Variants in CUX1 observed in about 807,000 individuals in gnomAD.
CUX1 encodes cut like homeobox 1.
In CUX1, 31 loss-of-function variants were observed where a neutral mutation model predicts 158.8. The ratio of observed to expected loss-of-function variants is 0.20; its 90% confidence interval spans 0.15 to 0.26. The LOEUF is 0.26. Ranked by LOEUF, CUX1 falls within the 10% of genes least tolerant of loss-of-function variation. The pLI is 1.00. For missense variants in CUX1, 1,589 were observed against 2,014.6 expected (o/e 0.79, Z 4.04); for synonymous variants, 879 against 862.1 (o/e 1.02, Z -0.34).
intron 3 of CUX1, among the ~76,000 whole-genome samples, chr7:102,045,053 T>C (rs1822575243): frequency 6.6e-6 from 1 of 152,164 alleles, no homozygotes; most frequent in Non-Finnish European, 1.5e-5. Context: ...GCTGCTGTAC[T>C]GTCATTATCT....
chr7:101,966,999 T>A (rs967826257), intron 2 of CUX1, among the ~76,000 whole-genome samples: 14 of 152,152 alleles, frequency 9.2e-5, no homozygotes, highest in South Asian at 2.1e-4. Context: ...ATTTGGAATT[T>A]TTTTATTTTA....
At chr7:102,155,671 T>G (rs553795168) in intron 8 of CUX1, among the ~76,000 whole-genome samples, 14 of 152,238 alleles carry the variant, frequency 9.2e-5, no homozygotes, top group African/African-American at 3.4e-4. Flanking sequence ...GGTAGCAGCT[T>G]TCTGCATTGA....
At chr7:102,231,864 C>T (rs1799039242) in intron 21 of CUX1, among the ~76,000 whole-genome samples, 1 of 151,896 alleles carries the variant, frequency 6.6e-6, no homozygotes, top group Non-Finnish European at 1.5e-5. Flanking sequence ...CAGGGGCCCA[C>T]CACCACGCCC....
At chr7:102,282,839 C>G in intron 22 of CUX1, 2 of 1,223,260 alleles carry the variant, frequency 1.6e-6, no homozygotes, top group Non-Finnish European at 2.3e-6. Flanking sequence ...CCCCGCAACA[C>G]CCCCGAGTTC....
intron 2 of CUX1, among the ~76,000 whole-genome samples, chr7:101,927,940 G>C (rs571945556): frequency 6.6e-6 from 1 of 152,168 alleles, no homozygotes; most frequent in Non-Finnish European, 1.5e-5. Flanking sequence ...ATCTCAGGAC[G>C]GCCGCTTTGT....
intron 8 of CUX1, among the ~76,000 whole-genome samples, chr7:102,150,966 G>A (rs1222610394): frequency 1.3e-5 from 2 of 152,110 alleles, no homozygotes; most frequent in African/African-American, 4.8e-5. Flanking sequence ...CAATATGTGC[G>A]GTTATTACAG....
At chr7:102,004,265 T>C (rs1477498898) in intron 2 of CUX1, among the ~76,000 whole-genome samples, 3 of 152,080 alleles carry the variant, frequency 2.0e-5, no homozygotes, top group Middle Eastern at 3.2e-3. Flanking sequence ...TAGCTTGAGA[T>C]TGGGGCAGCT....
intron 3 of CUX1, among the ~76,000 whole-genome samples, chr7:102,048,535 CA>C (rs912961212): frequency 6.6e-6 from 1 of 151,094 alleles, no homozygotes; most frequent in Middle Eastern, 3.4e-3. Context: ...ATCAAATTTT[CA>C]AAAAAAAATC....
intron 2 of CUX1, among the ~76,000 whole-genome samples, chr7:101,936,297 C>T (rs1806924505): frequency 6.6e-6 from 1 of 152,102 alleles, no homozygotes; most frequent in African/African-American, 2.4e-5. Context: ...AAGGTATGGA[C>T]TTCCCCATCC....
At chr7:101,855,382 C>T (rs530377562) in intron 1 of CUX1, among the ~76,000 whole-genome samples, 1 of 152,304 alleles carries the variant, frequency 6.6e-6, no homozygotes, top group South Asian at 2.1e-4. Flanking sequence ...TGGTCTCTTT[C>T]TCCAGGGTGC....
Position 102,013,027 on chromosome 7 carries a change from G to C in CUX1, c.142-15071G>C, listed in dbSNP as rs192513198. Among the ~76,000 whole-genome samples the C allele has an allele frequency of 5.3e-5, 8 of 151,962 alleles. No homozygotes were observed. The East Asian group carries it at 1.2e-3, about 22-fold the overall frequency. ...CTTGCGGTAATCCTTACGGCCCTGT[G>C]GTGTTCGCTAAGATGTAGCAAGAAT... On this transcript the variant is annotated intron_variant, in intron 2 of 23. Transcript: ENST00000292535.
At chr7:101,986,797 TCTC>T (rs1239042270) in intron 2 of CUX1, among the ~76,000 whole-genome samples, 1 of 152,126 alleles carries the variant, frequency 6.6e-6, no homozygotes, top group East Asian at 1.9e-4. Context: ...GCAGAGTCTT[TCTC>T]CTCTGTAATG....
chr7:102,283,096 C>T (rs782726138), exon 23 of CUX1: 21 of 1,612,752 alleles, frequency 1.3e-5, no homozygotes, highest in African/African-American at 2.7e-5. Context: ...AGTGATACCC[C>T]GGGGCCTCCC....
Position 102,234,101 on chromosome 7 carries a change from C to G in CUX1, c.3483C>G (p.Val1161=). 6.3e-7 allele frequency: 1 copy of G among 1,594,752 alleles called. No homozygotes were observed. Among genetic ancestry groups the G allele is most frequent in the East Asian group, 2.3e-5 (1 of 42,626 alleles). ...TCTTAGGGCTCACCCAAGGCTCTGT[C>G]TCTGACCTCCTTGCCCGCCCCAAAC... ...ETILGLTQGS[V]SDLLARPKPW... Residue 1161 remains valine, a synonymous_variant, in exon 22 of 24, where the codon GTC becomes GTG. Transcript: ENST00000292535.
intron 4 of CUX1, among the ~76,000 whole-genome samples, chr7:102,092,788 C>T (rs1828708739): frequency 6.6e-6 from 1 of 151,714 alleles, no homozygotes. Flanking sequence ...TCGTGTGCGC[C>T]TGCAATCTCA....
At chr7:102,073,987 C>T (rs1826427851) in intron 4 of CUX1, among the ~76,000 whole-genome samples, 1 of 152,180 alleles carries the variant, frequency 6.6e-6, no homozygotes, top group Non-Finnish European at 1.5e-5. Flanking sequence ...CTGTGATCTG[C>T]CACATCTAAC....
chr7:102,239,452 C>T lies in CUX1; in HGVS notation c.3755C>T (p.Ala1252Val), dbSNP rs1554534079. The change falls in exon 23 of 24, where the codon GCT becomes GTT. Residue 1252 changes from alanine to valine, a missense_variant. Physicochemically the swap from Ala to Val is moderately conservative, Grantham distance 64. Around this residue, in one of 8 missense-constraint regions of CUX1, gnomAD observed 259 missense variants for 373.8 expected, o/e 0.69. Coordinates refer to ENST00000292535, the MANE Select transcript of CUX1 (RefSeq NM_181552.4). ...CTGAAGAAACCCCGGGTGGTGCTGG[C>T]TCCGGAGGAGAAGGAGGCGCTGAAA... ...HQLKKPRVVL[A>V]PEEKEALKRA... 6.2e-7 allele frequency: 1 copy of T among 1,614,028 alleles called. No individual in the cohort carries two copies. The highest frequency in any genetic ancestry group is 1.7e-5 in the Admixed American group (1 of 60,030).
At chr7:102,028,915 G>A (rs952567532) in intron 3 of CUX1, among the ~76,000 whole-genome samples, 1 of 151,768 alleles carries the variant, frequency 6.6e-6, no homozygotes, top group Non-Finnish European at 1.5e-5. Context: ...TGGAATCATA[G>A]CAGGCTGATA....
Position 101,831,635 on chromosome 7 carries a change from A to C in CUX1, c.30+13966A>C, listed in dbSNP as rs1388612557. 4.0e-5 allele frequency among the ~76,000 whole-genome samples: 6 copies of C among 151,710 alleles called. No individual in the cohort carries two copies. In the South Asian group the frequency reaches 8.3e-4, roughly 21 times the overall value. On this transcript the variant is annotated intron_variant, in intron 1 of 23. Transcript: ENST00000292535. The stretch of plus-strand genomic sequence containing the variant: ...AGGGGGATGGAAGACAAAGGCAAGG[A>C]ATAAGTGAGTGCCCAGTGGCCTGGG...
Sources: gnomAD v4.1 joint callset for allele counts (sites outside exome capture counted in the v4.1 genomes callset) on GRCh38, gnomAD v4.1.1 for gene constraint, gnomAD v4.1.1 regional missense constraint, MANE v1.5 for transcripts, NCBI Gene and HGNC (gene_info 2026-07-23, HGNC 2026-07-21) for gene names.